The following SUGCT variants were observed in gnomAD, a reference collection of about 807,000 sequenced individuals.
The protein encoded by SUGCT is succinyl-CoA:glutarate-CoA transferase.
Under a neutral mutation model 55.0 loss-of-function variants are expected in SUGCT, and 41 were observed. The observed-to-expected ratio is 0.74, with a 90% CI of 0.58 to 0.97. SUGCT has a LOEUF of 0.97. SUGCT is among the 50% of genes least tolerant of loss of function. SUGCT has a pLI of 0.00. For synonymous variants in SUGCT, 187 were observed against 200.4 expected (o/e 0.93, Z 0.56); for missense variants, 568 against 547.8 (o/e 1.04, Z -0.37).
intron 9 of SUGCT, among the ~76,000 whole-genome samples, chr7:40,434,708 A>T (rs1490771501): frequency 2.0e-5 from 3 of 152,318 alleles, no homozygotes; most frequent in Non-Finnish European, 4.4e-5. Flanking sequence ...AGATCTGATC[A>T]TCCAGTACAA....
intron 12 of SUGCT, among the ~76,000 whole-genome samples, chr7:40,663,318 T>G (rs1363704993): frequency 6.6e-6 from 1 of 152,012 alleles, no homozygotes; most frequent in Non-Finnish European, 1.5e-5. Flanking sequence ...CTGGAAAGTC[T>G]GGGAAAAATA....
intron 9 of SUGCT, among the ~76,000 whole-genome samples, chr7:40,378,717 C>T (rs777083816): frequency 6.6e-6 from 1 of 152,242 alleles, no homozygotes; most frequent in Non-Finnish European, 1.5e-5. Flanking sequence ...AGGTGATCTG[C>T]CTGCCTTGGC....
At chr7:40,376,095 CATTG>C (rs1352328955) in intron 9 of SUGCT, among the ~76,000 whole-genome samples, 2 of 152,108 alleles carry the variant, frequency 1.3e-5, no homozygotes, top group East Asian at 3.9e-4. Context: ...TAAATTAGAA[CATTG>C]ATTAATTCTT....
At chr7:41,019,778 G>A in the SUGCT span, among the ~76,000 whole-genome samples, 1 of 152,126 alleles carries the variant, frequency 6.6e-6, no homozygotes, top group Non-Finnish European at 1.5e-5. Context: ...CTCTGGTCTT[G>A]GAAGGTGGAA....
the SUGCT span, among the ~76,000 whole-genome samples, chr7:40,928,809 C>T: frequency 1.3e-5 from 2 of 152,020 alleles, no homozygotes; most frequent in African/African-American, 2.4e-5. Context: ...CCATGTTGGC[C>T]AGGATGGTCT....
the SUGCT span, among the ~76,000 whole-genome samples, chr7:40,871,727 C>T: frequency 4.6e-3 from 688 of 149,508 alleles, no homozygotes; most frequent in Non-Finnish European, 7.0e-3. Flanking sequence ...TCAGTGATCT[C>T]CACTCTTTGT....
chr7:40,240,939 T>C (rs980461934), intron 7 of SUGCT, among the ~76,000 whole-genome samples: 2 of 152,250 alleles, frequency 1.3e-5, no homozygotes, highest in African/African-American at 4.8e-5. Context: ...TTGCATGTCA[T>C]CTAGATGCTG....
chr7:40,761,069 CA>C (rs1218804243), intron 13 of SUGCT, among the ~76,000 whole-genome samples: 1 of 152,176 alleles, frequency 6.6e-6, no homozygotes, highest in African/African-American at 2.4e-5. Context: ...TAACATAAAA[CA>C]AATCATCCTT....
At chr7:40,729,338 C>G (rs1468174336) in intron 12 of SUGCT, among the ~76,000 whole-genome samples, 1 of 152,110 alleles carries the variant, frequency 6.6e-6, no homozygotes, top group African/African-American at 2.4e-5. Context: ...GACTATATGT[C>G]CACAGATTAT....
intron 12 of SUGCT, among the ~76,000 whole-genome samples, chr7:40,686,074 T>C (rs1784448607): frequency 6.6e-6 from 1 of 152,196 alleles, no homozygotes; most frequent in African/African-American, 2.4e-5. Flanking sequence ...GCATCCTGTT[T>C]TTATTTTTTT....
intron 9 of SUGCT, among the ~76,000 whole-genome samples, chr7:40,390,712 G>T (rs975186016): frequency 2.0e-5 from 3 of 152,108 alleles, no homozygotes; most frequent in African/African-American, 7.2e-5. Flanking sequence ...TACTGCCCAA[G>T]GTAATTTACA....
chr7:40,540,857 C>T (rs1794633630), intron 12 of SUGCT, among the ~76,000 whole-genome samples: 1 of 152,172 alleles, frequency 6.6e-6, no homozygotes, highest in Non-Finnish European at 1.5e-5. Context: ...TAAATGGATG[C>T]TGCTATTTTC....
At position 40,266,869 on chromosome 7, in the gene SUGCT, G is replaced by A. The variant is rs533227714; in HGVS notation, c.577-7644G>A. 4.6e-5 allele frequency among the ~76,000 whole-genome samples: 7 copies of A among 152,058 alleles called. No homozygotes were observed. In the South Asian group the frequency reaches 1.2e-3, roughly 27 times the overall value. On this transcript the variant is annotated intron_variant, in intron 7 of 13. Coordinates refer to ENST00000335693, the MANE Select transcript of SUGCT (RefSeq NM_001193313.2). ...ATCTCTACTAAAAATAAAAAAATTA[G>A]CCGGGCATGGTGACATGCATTTGTA...
At chr7:40,619,955 T>C (rs1410385088) in intron 12 of SUGCT, among the ~76,000 whole-genome samples, 1 of 152,262 alleles carries the variant, frequency 6.6e-6, no homozygotes, top group Non-Finnish European at 1.5e-5. Flanking sequence ...GGCTTTCCTC[T>C]ATATTTTACC....
chr7:40,593,183 G>T (rs1331282108), intron 12 of SUGCT, among the ~76,000 whole-genome samples: 1 of 152,162 alleles, frequency 6.6e-6, no homozygotes, highest in Admixed American at 6.5e-5. Flanking sequence ...GGAATCCAGA[G>T]CAGGGGAGGA....
chr7:40,223,009 C>T (rs1020484573), intron 6 of SUGCT, among the ~76,000 whole-genome samples: 2 of 148,822 alleles, frequency 1.3e-5, no homozygotes, highest in African/African-American at 5.0e-5. Context: ...TTCCTTCCTT[C>T]CTTCCTTCCT....
At chr7:41,000,547 G>C in the SUGCT span, among the ~76,000 whole-genome samples, 1 of 151,244 alleles carries the variant, frequency 6.6e-6, no homozygotes, top group Non-Finnish European at 1.5e-5. Context: ...TGAAGAAAAA[G>C]CATCATTATC....
chr7:40,870,893 G>T, the SUGCT span, among the ~76,000 whole-genome samples: 2 of 151,864 alleles, frequency 1.3e-5, no homozygotes, highest in African/African-American at 4.8e-5. Flanking sequence ...TCACAGATCT[G>T]GCCACTGAGA....
At chr7:41,027,183 G>A in the SUGCT span, among the ~76,000 whole-genome samples, 2 of 152,132 alleles carry the variant, frequency 1.3e-5, no homozygotes, top group African/African-American at 2.4e-5. Context: ...TTTAGCCTAC[G>A]GCCTTAATGG....
Sources: gnomAD v4.1 joint callset for allele counts (sites outside exome capture counted in the v4.1 genomes callset) on GRCh38, gnomAD v4.1.1 for gene constraint, MANE v1.5 for transcripts, NCBI Gene and HGNC (gene_info 2026-07-23, HGNC 2026-07-21) for gene names.